The following SEMA3A variants were observed in gnomAD, a reference collection of about 807,000 sequenced individuals.
SEMA3A encodes semaphorin 3A.
In SEMA3A, 29 loss-of-function variants were observed where a neutral mutation model predicts 97.9. The ratio of observed to expected loss-of-function variants is 0.30; its 90% CI spans 0.22 to 0.40. SEMA3A has a LOEUF of 0.40. Among genes scored for constraint, SEMA3A ranks in the 10% least tolerant of loss-of-function variants. The pLI is 1.00. For synonymous variants in SEMA3A, 321 were observed against 323.7 expected, an observed-to-expected ratio of 0.99 and a Z score of 0.09; for missense variants, 763 against 951.3, an observed-to-expected ratio of 0.80 and a Z score of 2.60.
intron 4 of SEMA3A, among the ~76,000 whole-genome samples, chr7:84,068,542 G>A (rs138006512): frequency 1.3e-5 from 2 of 151,682 alleles, no homozygotes; most frequent in Admixed American, 1.3e-4. Flanking sequence ...ATGTATATGC[G>A]ACTATATATT....
chr7:83,997,637 CACAA>C lies in SEMA3A; in HGVS notation c.1452+4314_1452+4317del, dbSNP rs570478536. ...TTCTATCAAAGGAATATTGTTCACTCACAAACAATCTTTTTCCAAAATTGTAAAG... is the reference window on the plus strand; with the variant it reads ...TTCTATCAAAGGAATATTGTTCACTCACAATCTTTTTCCAAAATTGTAAAG... On this transcript the variant is annotated intron_variant, in intron 12 of 16. Transcript: ENST00000265362. Among the ~76,000 whole-genome samples the C allele has an allele frequency of 1.8e-3, 281 of 152,252 alleles. 1 individual carries two copies. The highest frequency in any genetic ancestry group is 6.0e-3 in the African/African-American group (251 of 41,520).
In SEMA3A at chr7:83,991,248, G is replaced by A. The variant is rs549260022; in HGVS notation, c.1453-5771C>T. The stretch of plus-strand genomic sequence containing the variant: ...AGACAATGGGGTTTTCTAGATATAC[G>A]ATCATGTCGTCTGCAAACAGGGACA... On this transcript the variant is annotated intron_variant, in intron 12 of 16. Coordinates refer to ENST00000265362, the MANE Select transcript of SEMA3A (RefSeq NM_006080.3). 7.1e-4 allele frequency among the ~76,000 whole-genome samples: 108 copies of A among 152,022 alleles called. 1 individual carries two copies. In the South Asian group the frequency reaches 0.02, roughly 28 times the overall value.
At chr7:84,398,427 T>C (rs1048081058) in intron 1 of SEMA3A, among the ~76,000 whole-genome samples, 4 of 152,002 alleles carry the variant, frequency 2.6e-5, no homozygotes, top group African/African-American at 7.3e-5. Flanking sequence ...TTCAGAGGTA[T>C]TGCACACTTC....
At position 84,400,309 on chromosome 7, in the gene SEMA3A, A is replaced by G. The variant is rs146533686; in HGVS notation, c.-245-28409T>C. The stretch of plus-strand genomic sequence containing the variant: ...GGAATAAATAAGGCACCAGTGACTA[A>G]CCCTGAAGGACAGAGACATGTGATC... On this transcript the variant is annotated intron_variant, in intron 1 of 3. Transcript: ENST00000424555. Among the ~76,000 whole-genome samples the G allele has an allele frequency of 2.4e-3, 373 of 152,322 alleles. 2 individuals carry two copies. Among genetic ancestry groups the G allele is most frequent in the African/African-American group, 8.8e-3 (365 of 41,590 alleles).
chr7:84,094,068 G>C (rs1479474300), intron 4 of SEMA3A, among the ~76,000 whole-genome samples: 2 of 152,076 alleles, frequency 1.3e-5, no homozygotes, highest in African/African-American at 4.8e-5. Context: ...TTTGAAGTTT[G>C]TTCTGGCTTT....
At chr7:84,190,403 T>C (rs527445710) in intron 1 of SEMA3A, among the ~76,000 whole-genome samples, 24 of 151,798 alleles carry the variant, frequency 1.6e-4, no homozygotes, top group African/African-American at 5.8e-4. Flanking sequence ...ATAAGGTTAA[T>C]AGAATTTGAG....
chr7:84,396,552 T>C (rs562763440), intron 1 of SEMA3A, among the ~76,000 whole-genome samples: 30 of 152,054 alleles, frequency 2.0e-4, no homozygotes, highest in African/African-American at 6.3e-4. Flanking sequence ...AAATACCTTA[T>C]AAATTTATAA....
chr7:84,474,448 T>TC (rs1376816213), intron 1 of SEMA3A, among the ~76,000 whole-genome samples: 12 of 151,470 alleles, frequency 7.9e-5, no homozygotes, highest in African/African-American at 1.9e-4. Flanking sequence ...TCCTTTTTTT[T>TC]TCTCTCTCTC....
At chr7:84,374,429 C>T (rs1481512754) in intron 1 of SEMA3A, among the ~76,000 whole-genome samples, 2 of 152,138 alleles carry the variant, frequency 1.3e-5, no homozygotes, top group Non-Finnish European at 2.9e-5. Flanking sequence ...ATATTAAACA[C>T]ATATCTTTCA....
chr7:84,358,794 G>T (rs533583061), intron 2 of SEMA3A, among the ~76,000 whole-genome samples: 26 of 152,190 alleles, frequency 1.7e-4, no homozygotes, highest in African/African-American at 6.0e-4. Context: ...CCATTTGTTT[G>T]TATCCTCTTT....
intron 1 of SEMA3A, among the ~76,000 whole-genome samples, chr7:84,488,292 T>C (rs189282183): frequency 6.7e-6 from 1 of 148,402 alleles, no homozygotes; most frequent in Non-Finnish European, 1.5e-5. Flanking sequence ...CAAAGAGGTG[T>C]TTTCCAGCTA....
rs1345527645 is a variant in SEMA3A, at chr7:84,202,871, T to A, written c.-82-8203A>T. Among the ~76,000 whole-genome samples, 3 of 152,296 alleles carry A rather than the reference T, an allele frequency of 2.0e-5. No individual in the cohort carries two copies. In the East Asian group the frequency reaches 5.8e-4, roughly 29 times the overall value. ...TCCCTGCCCCAAGTTATATAAACCATCTATAAATCTTTCTGTATCTATTTT... is the reference window on the plus strand; with the variant it reads ...TCCCTGCCCCAAGTTATATAAACCAACTATAAATCTTTCTGTATCTATTTT... On this transcript the variant is annotated intron_variant, in intron 3 of 3. Coordinates refer to the SEMA3A transcript ENST00000424555.
intron 3 of SEMA3A, among the ~76,000 whole-genome samples, chr7:84,243,170 G>C (rs1428673813): frequency 6.6e-6 from 1 of 152,208 alleles, no homozygotes; most frequent in Non-Finnish European, 1.5e-5. Context: ...CATAAACTGA[G>C]TTAAGGAGGA....
At chr7:84,218,560 G>T (rs1049147675) in intron 3 of SEMA3A, among the ~76,000 whole-genome samples, 3 of 152,006 alleles carry the variant, frequency 2.0e-5, no homozygotes, top group African/African-American at 7.2e-5. Flanking sequence ...CCCCAAATCT[G>T]CTCATTATTT....
At chr7:84,189,725 C>T (rs1469577104) in intron 1 of SEMA3A, among the ~76,000 whole-genome samples, 1 of 151,528 alleles carries the variant, frequency 6.6e-6, no homozygotes, top group Non-Finnish European at 1.5e-5. Flanking sequence ...ATTTTTATTA[C>T]TAGGAACATA....
chr7:84,386,143 T>C lies in SEMA3A; in HGVS notation c.-245-14243A>G, dbSNP rs1046191401. ...CACTCAACTGATACCAAACATATTG[T>C]GTTTATTAAAATAACATCTCACTTC... On this transcript the variant is annotated intron_variant, in intron 1 of 3. Coordinates refer to the SEMA3A transcript ENST00000424555. Among the ~76,000 whole-genome samples, 3 of 152,352 alleles carry C rather than the reference T, an allele frequency of 2.0e-5. No individual in the cohort carries two copies. In the South Asian group the frequency reaches 6.2e-4, roughly 32 times the overall value.
chr7:84,011,094 GT>G lies in SEMA3A; in HGVS notation c.926-4del. On this transcript the variant is annotated splice_region_variant and splice_polypyrimidine_tract_variant and intron_variant, in intron 8 of 16. Coordinates refer to ENST00000265362, the MANE Select transcript of SEMA3A (RefSeq NM_006080.3). ...AAAGTTCATTAGGAATACATCCTCT[GT>G]TTAAAAACAAAATTGGAGAAAGTTG... 1 of 1,610,810 alleles carries G rather than the reference GT, an allele frequency of 6.2e-7. No individual in the cohort carries two copies. Among genetic ancestry groups the G allele is most frequent in the Non-Finnish European group, 8.5e-7 (1 of 1,177,392 alleles).
intron 1 of SEMA3A, among the ~76,000 whole-genome samples, chr7:84,378,787 A>C (rs1463877563): frequency 6.6e-6 from 1 of 152,160 alleles, no homozygotes; most frequent in Non-Finnish European, 1.5e-5. Context: ...TACTCATTTA[A>C]AAACTCAAAA....
chr7:84,479,989 A>G (rs1251430069), intron 1 of SEMA3A, among the ~76,000 whole-genome samples: 1 of 152,228 alleles, frequency 6.6e-6, no homozygotes, highest in Non-Finnish European at 1.5e-5. Flanking sequence ...AGAAAAGTTT[A>G]AGTTAATATA....
Sources: gnomAD v4.1 joint callset for allele counts (sites outside exome capture counted in the v4.1 genomes callset) on GRCh38, gnomAD v4.1.1 for gene constraint, MANE v1.5 for transcripts, NCBI Gene and HGNC (gene_info 2026-07-23, HGNC 2026-07-21) for gene names.